FAAH2: variants seen among roughly 807,000 people sequenced by gnomAD.
FAAH2 encodes fatty acid amide hydrolase 2, also known as fatty-acid amide hydrolase 2.
FAAH2 carries 60 observed loss-of-function variants against 36.9 expected under a neutral mutation model. The ratio of observed to expected loss-of-function variants is 1.63; its 90% CI spans 1.32 to 2.02. FAAH2 has a LOEUF of 2.02. Among genes scored for constraint, FAAH2 ranks in the 30% most tolerant of loss-of-function variants. FAAH2 has a pLI of 0.00. For synonymous variants in FAAH2, 214 were observed against 143.8 expected (o/e 1.49, Z -3.49); for missense variants, 689 against 397.5 (o/e 1.73, Z -6.23).
the FAAH2 span, among the ~76,000 whole-genome samples, chrX:57,240,818 G>A: frequency 8.9e-6 from 1 of 112,194 alleles, no homozygotes; most frequent in Admixed American, 9.4e-5. Flanking sequence ...CCTCAGTTGG[G>A]CATCTGAGTC....
At chrX:57,363,591 C>T (rs2054337044) in intron 5 of FAAH2, among the ~76,000 whole-genome samples, 1 of 111,114 alleles carries the variant, frequency 9.0e-6, no homozygotes, top group African/African-American at 3.3e-5. Context: ...CTAGGACTTC[C>T]CAGCACTATG....
chrX:57,454,220 G>A (rs779904986), intron 10 of FAAH2, among the ~76,000 whole-genome samples: 8 of 112,250 alleles, frequency 7.1e-5, no homozygotes, highest in Non-Finnish European at 1.3e-4. Flanking sequence ...TTGCAAGTAT[G>A]TATCACCTGT....
intron 7 of FAAH2, among the ~76,000 whole-genome samples, chrX:57,396,533 C>T (rs2055304009): frequency 1.8e-5 from 2 of 110,237 alleles, no homozygotes; most frequent in African/African-American, 6.6e-5. Flanking sequence ...TATGTTGTGT[C>T]CCCATTTTTG....
chrX:57,369,407 G>A (rs1286283662), intron 5 of FAAH2, among the ~76,000 whole-genome samples: 1 of 110,915 alleles, frequency 9.0e-6, no homozygotes, highest in Non-Finnish European at 1.9e-5. Flanking sequence ...ACCCAAAGAG[G>A]TCATCTCTGA....
At chrX:57,177,886 G>T in the FAAH2 span, among the ~76,000 whole-genome samples, 2,801 of 110,076 alleles carry the variant, frequency 0.025, 84 homozygotes, top group African/African-American at 0.089. Flanking sequence ...GTTCAGGAAT[G>T]CTTGGCCTGC....
chrX:57,194,419 C>T, the FAAH2 span, among the ~76,000 whole-genome samples: 1 of 110,681 alleles, frequency 9.0e-6, no homozygotes, highest in Non-Finnish European at 1.9e-5. Context: ...TTTTTTCTGG[C>T]TAAAATTTGT....
the FAAH2 span, among the ~76,000 whole-genome samples, chrX:57,183,565 T>C: frequency 9.0e-6 from 1 of 111,560 alleles, no homozygotes; most frequent in Admixed American, 9.6e-5. Flanking sequence ...CATTTTAATA[T>C]GGATATTTAT....
chrX:57,367,801 G>C (rs894606847), intron 5 of FAAH2, among the ~76,000 whole-genome samples: 3 of 112,028 alleles, frequency 2.7e-5, no homozygotes, highest in Non-Finnish European at 5.6e-5. Context: ...AGTCCTTCCT[G>C]CTGAAGAATC....
intron 10 of FAAH2, among the ~76,000 whole-genome samples, chrX:57,458,547 C>A (rs1449299475): frequency 9.0e-6 from 1 of 111,695 alleles, no homozygotes; most frequent in Admixed American, 9.5e-5. Context: ...GTCGAGATGG[C>A]TGAATAGGAA....
At chrX:57,288,617 TG>T (rs2051889167) in intron 1 of FAAH2, among the ~76,000 whole-genome samples, 1 of 110,438 alleles carries the variant, frequency 9.1e-6, no homozygotes, top group African/African-American at 3.3e-5. Context: ...CCCAAAGTGC[TG>T]GAATTACAGG....
chrX:57,131,147 G>A, the FAAH2 span, among the ~76,000 whole-genome samples: 2 of 103,447 alleles, frequency 1.9e-5, no homozygotes, highest in East Asian at 6.1e-4. Context: ...CTGCAGTGGC[G>A]CAATCTCGGC....
In FAAH2 at chrX:57,395,761, A is replaced by G. The variant is rs995762113; in HGVS notation, c.996+14732A>G. Among the ~76,000 whole-genome samples, 6 of 111,956 alleles carry G rather than the reference A, an allele frequency of 5.4e-5. No homozygotes were observed. The Admixed American group carries it at 5.7e-4, about 11-fold the overall frequency. The stretch of plus-strand genomic sequence containing the variant: ...GTTTGTTTAAATTTGCTAATATTTT[A>G]TTGTGGATTTATGCATCAGTATGCA... On this transcript the variant is annotated intron_variant, in intron 7 of 10. Coordinates refer to ENST00000374900, the MANE Select transcript of FAAH2 (RefSeq NM_174912.4).
rs1556012973 is a variant in FAAH2, at chrX:57,431,787, G to GTTTTTTGTT, written c.997-125_997-124insGTTTTTTTT. On this transcript the variant is annotated intron_variant, in intron 7 of 10. Transcript: ENST00000374900. ...TGTTTTTTTGTTTTTTTGTTTTTTT[G>GTTTTTTGTT]TTTTTTTTGGTGTTTCCATGGGGCA... The GTTTTTTGTT allele has an allele frequency of 1.2e-3, 159 of 129,289 alleles. 26 individuals are homozygous for GTTTTTTGTT. The highest frequency in any genetic ancestry group is 4.1e-3 in the South Asian group (10 of 2,418). The allele number at this position is 129,289 out of a possible 1,213,427, so 10.7% of individuals were successfully genotyped here.
chrX:57,150,805 G>T, the FAAH2 span, among the ~76,000 whole-genome samples: 1 of 111,812 alleles, frequency 8.9e-6, no homozygotes, highest in African/African-American at 3.3e-5. Context: ...CTGTCTTTAT[G>T]ATGTTAGCTG....
the FAAH2 span, among the ~76,000 whole-genome samples, chrX:57,273,726 A>T: frequency 8.9e-6 from 1 of 112,047 alleles, no homozygotes; most frequent in East Asian, 2.8e-4. Context: ...GAATAAAGAC[A>T]CAACGTACCA....
intron 2 of FAAH2, among the ~76,000 whole-genome samples, chrX:57,305,212 C>T (rs1333440098): frequency 9.1e-6 from 1 of 110,463 alleles, no homozygotes; most frequent in South Asian, 3.8e-4. Flanking sequence ...GAGCTCAATT[C>T]CCATATATGT....
intron 5 of FAAH2, among the ~76,000 whole-genome samples, chrX:57,356,970 C>T (rs914595886): frequency 1.2e-4 from 13 of 110,465 alleles, no homozygotes; most frequent in Admixed American, 2.9e-4. Flanking sequence ...CCCTGATATG[C>T]GATGTTCCTC....
chrX:57,316,889 G>A (rs1387001251), intron 3 of FAAH2, among the ~76,000 whole-genome samples: 1 of 111,109 alleles, frequency 9.0e-6, no homozygotes, highest in Admixed American at 9.6e-5. Flanking sequence ...TTTACAAGTG[G>A]GACTTAATTA....
At chrX:57,167,622 T>C in the FAAH2 span, among the ~76,000 whole-genome samples, 2 of 111,595 alleles carry the variant, frequency 1.8e-5, no homozygotes, top group African/African-American at 3.3e-5. Flanking sequence ...AATCCAAGCA[T>C]CATTCTTATG....
Sources: gnomAD v4.1 joint callset for allele counts (sites outside exome capture counted in the v4.1 genomes callset) on GRCh38, gnomAD v4.1.1 for gene constraint, MANE v1.5 for transcripts, NCBI Gene and HGNC (gene_info 2026-07-23, HGNC 2026-07-21) for gene names.